Variants in USP18 observed in about 807,000 individuals in gnomAD.
USP18 encodes the protein ubl carboxyl-terminal hydrolase 18.
USP18 carries 11 observed loss-of-function variants against 48.7 expected under a neutral mutation model. The ratio of observed to expected loss-of-function variants is 0.23; its 90% CI spans 0.14 to 0.37. The LOEUF (loss-of-function observed/expected upper bound fraction) is 0.37. Among genes scored for constraint, USP18 ranks in the 10% least tolerant of loss-of-function variants. USP18 has a pLI of 1.00. For synonymous variants in USP18, 114 were observed against 163.2 expected, an observed-to-expected ratio of 0.70 and a Z score of 2.30; for missense variants, 285 against 436.4, an observed-to-expected ratio of 0.65 and a Z score of 3.09.
At chr22:18,156,644 C>T (rs749096825) in intron 1 of USP18, among the ~76,000 whole-genome samples, 18 of 152,082 alleles carry the variant, frequency 1.2e-4, no homozygotes, top group Admixed American at 6.5e-4. Context: ...CGGACATCTC[C>T]AGATGCGCCG....
At chr22:18,168,863 A>G (rs1929553611) in intron 6 of USP18, among the ~76,000 whole-genome samples, 1 of 152,206 alleles carries the variant, frequency 6.6e-6, no homozygotes, top group South Asian at 2.1e-4. Context: ...TTTCATTTTC[A>G]TGGCACTGGC....
At chr22:18,168,235 T>A (rs1184650889) in intron 6 of USP18, among the ~76,000 whole-genome samples, 199 bp downstream of exon 6, 1 of 152,144 alleles carries the variant, frequency 6.6e-6, no homozygotes, top group African/African-American at 2.4e-5. Flanking sequence ...GTGCAGGGCA[T>A]CACATGGCGA....
chr22:18,152,799 A>G (rs184101307), intron 1 of USP18, among the ~76,000 whole-genome samples: 36 of 152,016 alleles, frequency 2.4e-4, no homozygotes, highest in Non-Finnish European at 3.8e-4. Context: ...AGGCTGCTGT[A>G]TTTTGTTTCC....
At chr22:18,172,295 A>G (rs1180955655) in intron 8 of USP18, among the ~76,000 whole-genome samples, 2 of 152,206 alleles carry the variant, frequency 1.3e-5, no homozygotes, top group Non-Finnish European at 2.9e-5. Flanking sequence ...CCCAGACATC[A>G]TACTATTTCA....
chr22:18,151,373 G>A (rs1928995945), intron 1 of USP18, among the ~76,000 whole-genome samples: 2 of 152,246 alleles, frequency 1.3e-5, no homozygotes, highest in Admixed American at 6.5e-5. Context: ...CAGAAAACAA[G>A]GCAAATACTG....
chr22:18,155,836 C>G (rs1405309445), intron 1 of USP18, among the ~76,000 whole-genome samples: 2 of 152,228 alleles, frequency 1.3e-5, no homozygotes, highest in South Asian at 2.1e-4. Context: ...TCCACGCCGC[C>G]GAGTCCCACC....
At chr22:18,169,588 A>T (rs1186575479) in intron 6 of USP18, among the ~76,000 whole-genome samples, 1 of 151,948 alleles carries the variant, frequency 6.6e-6, no homozygotes, top group Non-Finnish European at 1.5e-5. Flanking sequence ...CCCAGGTAAG[A>T]CACCTGCTCC....
rs745670351 is a variant in USP18 at position 18,161,931 on chromosome 22, G to T, written c.396G>T (p.Val132=). The change falls in exon 4 of 11, where the codon GTG becomes GTT. Residue 132 remains valine, a synonymous_variant. Transcript: ENST00000215794. ...ELAYCLQKCN[V]PLFVQHDAAQ... ...CCTACTGCCTGCAGAAGTGCAACGT[G>T]CCCTGTAAGATACCCTCCCACTGGG... 1 of 1,611,654 alleles carries T rather than the reference G, an allele frequency of 6.2e-7. No homozygotes were observed. The highest frequency in any genetic ancestry group is 8.5e-7 in the Non-Finnish European group (1 of 1,178,730).
chr22:18,173,347 A>C (rs1602533609), intron 9 of USP18, 66 bp downstream of exon 9: 4 of 1,586,080 alleles, frequency 2.5e-6, no homozygotes, highest in East Asian at 4.5e-5. Flanking sequence ...TGCTGGGCTC[A>C]GGGCTGCGTG....
At chr22:18,159,582 C>G (rs536687031) in intron 2 of USP18, among the ~76,000 whole-genome samples, 5 of 151,246 alleles carry the variant, frequency 3.3e-5, no homozygotes, top group African/African-American at 1.2e-4. Flanking sequence ...ACTGCAACCT[C>G]TGCCTCCTGG....
At chr22:18,163,895 C>T (rs1016509882) in intron 4 of USP18, among the ~76,000 whole-genome samples, 16 of 152,082 alleles carry the variant, frequency 1.1e-4, no homozygotes, top group East Asian at 5.8e-4. Context: ...CAGGTGGAGA[C>T]GTTGGGGCAT....
intron 7 of USP18, among the ~76,000 whole-genome samples, chr22:18,170,151 T>G (rs555084408): frequency 2.4e-4 from 36 of 151,396 alleles, no homozygotes; most frequent in African/African-American, 8.8e-4. Context: ...GATGTGGAAC[T>G]CGTGCCTATG....
At chr22:18,171,834 A>G (rs112241183) in intron 8 of USP18, among the ~76,000 whole-genome samples, 4,311 of 152,208 alleles carry the variant, frequency 0.028, 195 homozygotes, top group African/African-American at 0.097. Flanking sequence ...ATGTTACAAT[A>G]GCTCCTATTA....
intron 10 of USP18, among the ~76,000 whole-genome samples, chr22:18,174,664 C>A (rs1929733902): frequency 6.6e-6 from 1 of 151,584 alleles, no homozygotes; most frequent in African/African-American, 2.4e-5. Flanking sequence ...TCATAGCTCA[C>A]TGCAGCCTTG....
At chr22:18,157,466 C>G in intron 1 of USP18, 92 bp from the exon 2 acceptor site, 1 of 676,308 alleles carries the variant, frequency 1.5e-6, no homozygotes, top group South Asian at 1.8e-5. Flanking sequence ...ATTTATCTCC[C>G]TCTAAGACCT....
rs1289666634 is a variant in USP18 at position 18,173,063 on chromosome 22, G to C, written c.892-87G>C. On this transcript the variant is annotated intron_variant, in intron 8 of 10. Transcript: ENST00000215794. Reference sequence around the variant, plus strand: ...TTTTCTAATATTCTAAAGTCCCAGAGTCGGGCCTAGTGTGGGCAGGTATAA... The same window carrying C: ...TTTTCTAATATTCTAAAGTCCCAGACTCGGGCCTAGTGTGGGCAGGTATAA... 28 of 1,595,130 alleles carry C rather than the reference G, an allele frequency of 1.8e-5. 1 individual carries two copies. The Admixed American group carries it at 4.8e-4, about 27-fold the overall frequency.
intron 8 of USP18, among the ~76,000 whole-genome samples, chr22:18,172,519 T>C (rs1165283359): frequency 6.6e-6 from 1 of 152,052 alleles, no homozygotes; most frequent in Non-Finnish European, 1.5e-5. Flanking sequence ...CTTTTAGATT[T>C]CCGCTCCTTT....
intron 2 of USP18, among the ~76,000 whole-genome samples, chr22:18,158,985 G>C (rs975345595): frequency 6.6e-6 from 1 of 152,126 alleles, no homozygotes; most frequent in Admixed American, 6.5e-5. Context: ...TTGGCAGTGA[G>C]TAATATATAC....
intron 3 of USP18, among the ~76,000 whole-genome samples, chr22:18,161,303 A>G (rs1929327778): frequency 7.8e-6 from 1 of 128,770 alleles, no homozygotes; most frequent in Non-Finnish European, 1.6e-5. Context: ...TCCCATCCGA[A>G]AAATGCCTGT....
Sources: allele counts gnomAD v4.1 joint callset (sites outside exome capture counted in the v4.1 genomes callset), GRCh38; gene constraint gnomAD v4.1.1; transcripts MANE v1.5; gene names NCBI Gene and HGNC (gene_info 2026-07-23, HGNC 2026-07-21).